ARFGEF2: variants seen among roughly 807,000 people sequenced by gnomAD.
ARFGEF2 encodes the protein brefeldin A-inhibited guanine nucleotide-exchange protein 2.
A neutral mutation model predicts 219.9 loss-of-function variants in ARFGEF2; 74 were observed. That is an observed-to-expected ratio of 0.34 (90% CI 0.28 to 0.41). The LOEUF (loss-of-function observed/expected upper bound fraction) is 0.41. Among genes scored for constraint, ARFGEF2 ranks in the 10% least tolerant of loss-of-function variants. ARFGEF2 has a pLI of 1.00. For synonymous variants in ARFGEF2, 733 were observed against 799.2 expected, an observed-to-expected ratio of 0.92 and a Z score of 1.40; for missense variants, 1,743 against 2,218.3, an observed-to-expected ratio of 0.79 and a Z score of 4.30.
intron 26 of ARFGEF2, 46 bp from the exon 27 acceptor site, chr20:49,010,186 C>T (rs1472504513): frequency 6.3e-7 from 1 of 1,592,204 alleles, no homozygotes; most frequent in Admixed American, 1.7e-5. Context: ...TTTCTCTTCC[C>T]ATTCTCCAAA....
In ARFGEF2 at chr20:49,033,272, G is replaced by A; in HGVS notation, c.*73G>A. 3 of 1,565,140 alleles carry A rather than the reference G, an allele frequency of 1.9e-6. No individual in the cohort carries two copies. The highest frequency in any genetic ancestry group is 2.6e-6 in the Non-Finnish European group (3 of 1,140,728). On this transcript the variant is annotated 3_prime_UTR_variant, in exon 39 of 39. Coordinates refer to ENST00000371917, the MANE Select transcript of ARFGEF2 (RefSeq NM_006420.3). ...GCCATTTCTGACTGGCACATCTCGT[G>A]AAGTTTCATAGAAACAAGGAGTTGG...
intron 6 of ARFGEF2, 72 bp from the exon 7 acceptor site, chr20:48,963,758 T>A: frequency 6.8e-7 from 1 of 1,470,466 alleles, no homozygotes; most frequent in Non-Finnish European, 9.5e-7. Flanking sequence ...CCCCATAATC[T>A]CCTTTTCCTC....
chr20:49,001,761 C>G (rs1432090060), intron 25 of ARFGEF2, among the ~76,000 whole-genome samples: 1 of 152,098 alleles, frequency 6.6e-6, no homozygotes, highest in African/African-American at 2.4e-5. Context: ...TCTTTCCAGA[C>G]ATTTTTGTAT....
At position 48,994,433 on chromosome 20, in the gene ARFGEF2, A is replaced by T. The variant is rs754835858; in HGVS notation, c.2974-18A>T. On this transcript the variant is annotated intron_variant, in intron 21 of 38. Transcript: ENST00000371917. ...CTGTAAGGTAGGAACTCATTTCTTCATGCCTTCTTTCTCTTAGATCTTGAA... is the reference window on the plus strand; with the variant it reads ...CTGTAAGGTAGGAACTCATTTCTTCTTGCCTTCTTTCTCTTAGATCTTGAA... 1 of 1,613,748 alleles carries T rather than the reference A, an allele frequency of 6.2e-7. No individual in the cohort carries two copies.
chr20:48,936,113 C>T lies in ARFGEF2; in HGVS notation c.122-5086C>T, dbSNP rs1244696371. On this transcript the variant is annotated intron_variant, in intron 1 of 38. Coordinates refer to ENST00000371917, the MANE Select transcript of ARFGEF2 (RefSeq NM_006420.3). The stretch of plus-strand genomic sequence containing the variant: ...CTCCCTCCCGGACGGGGCGGCTGGC[C>T]GGGCGGGGGGCTGACCCCCCCACCT... Among the ~76,000 whole-genome samples, 145 of 118,232 alleles carry T rather than the reference C, an allele frequency of 1.2e-3. 1 individual carries two copies. The highest frequency in any genetic ancestry group is 6.6e-3 in the Middle Eastern group (1 of 152). 77.6% of individuals were successfully genotyped at this position (118,232 alleles called of 152,430 possible).
intron 6 of ARFGEF2, among the ~76,000 whole-genome samples, chr20:48,958,249 A>G (rs2091117040): frequency 6.6e-6 from 1 of 152,142 alleles, no homozygotes; most frequent in Non-Finnish European, 1.5e-5. Context: ...TAAATGCTTT[A>G]TGTGTATCAT....
intron 1 of ARFGEF2, among the ~76,000 whole-genome samples, chr20:48,938,003 A>G (rs954814608): frequency 6.6e-6 from 1 of 152,236 alleles, no homozygotes; most frequent in Non-Finnish European, 1.5e-5. Context: ...ACTCTTCTGC[A>G]TTTATGGTTT....
rs529325519 is a variant in ARFGEF2 at position 49,003,695 on chromosome 20, T to A, written c.3433-1375T>A. On this transcript the variant is annotated intron_variant, in intron 25 of 38. Coordinates refer to ENST00000371917, the MANE Select transcript of ARFGEF2 (RefSeq NM_006420.3). The stretch of plus-strand genomic sequence containing the variant: ...ACTTGGAGCAGGCCTCTGCAAGATA[T>A]CCCCAGATCTCCTGGCAGGGGGTGT... Among the ~76,000 whole-genome samples the A allele has an allele frequency of 2.3e-4, 35 of 152,260 alleles. 1 individual carries two copies. In the South Asian group the frequency reaches 7.1e-3, roughly 31 times the overall value.
intron 6 of ARFGEF2, among the ~76,000 whole-genome samples, chr20:48,959,354 C>T (rs2091124264): frequency 6.8e-6 from 1 of 146,572 alleles, no homozygotes; most frequent in Admixed American, 7.1e-5. Flanking sequence ...CATATGTTTT[C>T]CAAATTACAA....
At chr20:48,953,523 A>G (rs199784296) in intron 5 of ARFGEF2, 33 bp from the exon 6 acceptor site, 4 of 1,604,108 alleles carry the variant, frequency 2.5e-6, no homozygotes, top group African/African-American at 2.7e-5. Flanking sequence ...CTTCCTTACC[A>G]AAATGCTGTA....
At position 48,941,293 on chromosome 20, in the gene ARFGEF2, A is replaced by G; in HGVS notation, c.152+64A>G. Reference sequence around the variant, plus strand: ...GAAGGGAGTAGGTAGCAACTGGGGGAGCCTCTTTCTCTGCTTGGTTTCTCA... The same window carrying G: ...GAAGGGAGTAGGTAGCAACTGGGGGGGCCTCTTTCTCTGCTTGGTTTCTCA... On this transcript the variant is annotated intron_variant, in intron 2 of 38. Coordinates refer to ENST00000371917, the MANE Select transcript of ARFGEF2 (RefSeq NM_006420.3). The G allele has an allele frequency of 3.9e-6, 6 of 1,536,164 alleles. No individual in the cohort carries two copies. In the South Asian group the frequency reaches 5.7e-5, roughly 15 times the overall value.
intron 21 of ARFGEF2, 147 bp downstream of exon 21, chr20:48,991,345 G>A: frequency 6.7e-6 from 8 of 1,196,120 alleles, no homozygotes; most frequent in South Asian, 2.5e-5. Context: ...CTCTGGGGCT[G>A]TGAAAGGCGG....
In ARFGEF2 at chr20:49,001,112, C is replaced by T. The variant is rs117004104; in HGVS notation, c.3432+2607C>T. On this transcript the variant is annotated intron_variant, in intron 25 of 38. Coordinates refer to ENST00000371917, the MANE Select transcript of ARFGEF2 (RefSeq NM_006420.3). ...AGTTTCGCACTGTTGCCAGGCTGGA[C>T]GGCAGTAGCTTGATCTCCTCTCATT... Among the ~76,000 whole-genome samples, 401 of 131,928 alleles carry T rather than the reference C, an allele frequency of 3.0e-3. 1 individual carries two copies. The highest frequency in any genetic ancestry group is 4.1e-3 in the Non-Finnish European group (270 of 65,098). The allele number at this position is 131,928 out of a possible 152,430, so 86.5% of individuals were successfully genotyped here.
intron 25 of ARFGEF2, among the ~76,000 whole-genome samples, chr20:48,999,769 G>C (rs1423147361): frequency 1.7e-5 from 2 of 120,120 alleles, no homozygotes; most frequent in Non-Finnish European, 3.6e-5. Context: ...AAAAAAAAAA[G>C]AAATGTATGT....
At chr20:48,970,737 A>G (rs1028499353) in intron 9 of ARFGEF2, among the ~76,000 whole-genome samples, 1 of 152,340 alleles carries the variant, frequency 6.6e-6, no homozygotes, top group Admixed American at 6.5e-5. Flanking sequence ...GCTGTGAGGT[A>G]GGTGGATAAA....
At chr20:48,939,194 C>CA (rs2090979219) in intron 1 of ARFGEF2, among the ~76,000 whole-genome samples, 1 of 151,890 alleles carries the variant, frequency 6.6e-6, no homozygotes, top group African/African-American at 2.4e-5. Flanking sequence ...AGGCTGGTCT[C>CA]AAACTCCTGA....
At chr20:48,924,111 A>G (rs1217402951) in intron 1 of ARFGEF2, among the ~76,000 whole-genome samples, 1 of 152,260 alleles carries the variant, frequency 6.6e-6, no homozygotes, top group Non-Finnish European at 1.5e-5. Flanking sequence ...GCTGTTAAAT[A>G]GAAATGACTG....
chr20:49,012,867 A>G (rs2091508937), intron 28 of ARFGEF2, among the ~76,000 whole-genome samples: 1 of 152,224 alleles, frequency 6.6e-6, no homozygotes, highest in African/African-American at 2.4e-5. Context: ...ACAGAGAGAA[A>G]TTGCCTAACA....
In ARFGEF2 at chr20:49,023,785, G is replaced by A. The variant is rs868390699; in HGVS notation, c.4755+604G>A. Among the ~76,000 whole-genome samples, 36 of 152,090 alleles carry A rather than the reference G, an allele frequency of 2.4e-4. 1 individual carries two copies. The South Asian group carries it at 4.4e-3, about 18-fold the overall frequency. ...GATCTCCTGACCTCGTGATCCGCCC[G>A]CCTCGGCCTCCCAAAGTGCTGGGAT... On this transcript the variant is annotated intron_variant, in intron 35 of 38. Transcript: ENST00000371917.
Sources: gnomAD v4.1 joint callset for allele counts (sites outside exome capture counted in the v4.1 genomes callset) on GRCh38, gnomAD v4.1.1 for gene constraint, MANE v1.5 for transcripts, NCBI Gene and HGNC (gene_info 2026-07-23, HGNC 2026-07-21) for gene names.